Variants in SORCS2 observed in about 807,000 individuals in gnomAD.
SORCS2 encodes the protein VPS10 domain-containing receptor SorCS2.
SORCS2 carries 100 observed loss-of-function variants against 141.6 expected under a neutral mutation model. That is an observed-to-expected ratio of 0.71 (90% CI 0.60 to 0.83). The LOEUF is 0.83. Among genes scored for constraint, SORCS2 ranks in the 40% least tolerant of loss-of-function variants. SORCS2 has a pLI of 0.00. For synonymous variants in SORCS2, 789 were observed against 676.9 expected, an observed-to-expected ratio of 1.17 and a Z score of -2.57; for missense variants, 1,646 against 1,560.2, an observed-to-expected ratio of 1.05 and a Z score of -0.93.
At chr4:7,227,836 G>T (rs893823449) in intron 1 of SORCS2, among the ~76,000 whole-genome samples, 6 of 152,168 alleles carry the variant, frequency 3.9e-5, no homozygotes, top group African/African-American at 1.4e-4. Flanking sequence ...AAATCTTCCT[G>T]TTGGGGTTTT....
In SORCS2 at chr4:7,386,107, A is replaced by G. The variant is rs1474293956; in HGVS notation, c.481-10181A>G. ...CACATATGCACACATGCACACACAC[A>G]TGGACATACACATATGTACACACGC... is the stretch of plus-strand genomic sequence containing the variant. On this transcript the variant is annotated intron_variant, in intron 1 of 26. Transcript: ENST00000507866. Among the ~76,000 whole-genome samples the G allele has an allele frequency of 2.6e-5, 4 of 151,606 alleles. No individual in the cohort carries two copies. The East Asian group carries it at 7.7e-4, about 29-fold the overall frequency.
chr4:7,209,373 T>C (rs1187783825), intron 1 of SORCS2, among the ~76,000 whole-genome samples: 1 of 152,280 alleles, frequency 6.6e-6, no homozygotes, highest in East Asian at 1.9e-4. Flanking sequence ...GCCTGGCCCA[T>C]TCTGGGGTCT....
intron 10 of SORCS2, 26 bp from the exon 11 acceptor site, chr4:7,689,460 A>G (rs751715636): frequency 2.6e-6 from 4 of 1,565,876 alleles, no homozygotes; most frequent in Non-Finnish European, 2.6e-6. Context: ...ATGTGTTGAC[A>G]GTTGCGTCCT....
intron 1 of SORCS2, among the ~76,000 whole-genome samples, chr4:7,330,578 T>C (rs1294617060): frequency 6.6e-6 from 1 of 151,584 alleles, no homozygotes; most frequent in Admixed American, 6.6e-5. Flanking sequence ...TCCTTCTGCT[T>C]GGCATGGCAC....
At chr4:7,412,515 T>C (rs1663720072) in intron 2 of SORCS2, among the ~76,000 whole-genome samples, 1 of 152,160 alleles carries the variant, frequency 6.6e-6, no homozygotes, top group Admixed American at 6.5e-5. Context: ...TCGTCTCAGA[T>C]GCTTTTTTAA....
intron 3 of SORCS2, among the ~76,000 whole-genome samples, chr4:7,564,774 C>T (rs1339102834): frequency 6.6e-6 from 1 of 152,206 alleles, no homozygotes; most frequent in East Asian, 1.9e-4. Flanking sequence ...ATGCCACAGT[C>T]GCTGTTACAA....
chr4:7,658,013 CTGAG>C (rs1268526308), intron 5 of SORCS2, among the ~76,000 whole-genome samples: 2 of 149,188 alleles, frequency 1.3e-5, no homozygotes, highest in African/African-American at 2.5e-5. Flanking sequence ...GGCTGAGTGG[CTGAG>C]TGAGCGAGTC....
intron 9 of SORCS2, among the ~76,000 whole-genome samples, chr4:7,679,217 T>A (rs921404506): frequency 1.3e-5 from 2 of 152,034 alleles, no homozygotes; most frequent in African/African-American, 2.4e-5. Flanking sequence ...AACCCAGGTG[T>A]GAGGCAAGAC....
At position 7,605,298 on chromosome 4, in the gene SORCS2, T is replaced by C. The variant is rs138263371; in HGVS notation, c.649-33030T>C. Among the ~76,000 whole-genome samples the C allele has an allele frequency of 4.2e-3, 641 of 152,316 alleles. 4 individuals carry two copies. The highest frequency in any genetic ancestry group is 6.5e-3 in the Non-Finnish European group (445 of 68,022). ...AGGTGTTTCACACAGAACTCCTGCT[T>C]GCATTCTTTGGTCATATTGAGTGTA... On this transcript the variant is annotated intron_variant, in intron 3 of 26. Coordinates refer to ENST00000507866, the MANE Select transcript of SORCS2 (RefSeq NM_020777.3).
chr4:7,611,760 C>T (rs1718419693), intron 3 of SORCS2, among the ~76,000 whole-genome samples: 1 of 152,254 alleles, frequency 6.6e-6, no homozygotes, highest in Non-Finnish European at 1.5e-5. Flanking sequence ...AATTCAGTTT[C>T]AGTGCCCGTG....
chr4:7,464,086 G>C (rs1433971229), intron 2 of SORCS2, among the ~76,000 whole-genome samples: 1 of 152,198 alleles, frequency 6.6e-6, no homozygotes, highest in African/African-American at 2.4e-5. Context: ...CTGGCAGTGA[G>C]CTAAGAGCTG....
At chr4:7,280,634 T>C (rs1715812665) in intron 1 of SORCS2, among the ~76,000 whole-genome samples, 1 of 152,238 alleles carries the variant, frequency 6.6e-6, no homozygotes. Context: ...CCAAACTGTC[T>C]TCCAAAGTGG....
intron 9 of SORCS2, among the ~76,000 whole-genome samples, chr4:7,678,919 C>T (rs368942281): frequency 6.6e-6 from 1 of 152,188 alleles, no homozygotes; most frequent in African/African-American, 2.4e-5. Flanking sequence ...TGGCACCTTC[C>T]TCACAGGGTT....
chr4:7,408,176 C>A (rs977370313), intron 2 of SORCS2, among the ~76,000 whole-genome samples: 6 of 151,744 alleles, frequency 4.0e-5, no homozygotes, highest in Non-Finnish European at 7.4e-5. Flanking sequence ...GGATTCTAAA[C>A]CTTCAGGGTG....
chr4:7,235,698 T>C (rs867275270), intron 1 of SORCS2, among the ~76,000 whole-genome samples: 8 of 152,174 alleles, frequency 5.3e-5, no homozygotes, highest in Non-Finnish European at 1.0e-4. Context: ...CAGGCCTTGA[T>C]TGTCAGAGGG....
chr4:7,441,206 T>C (rs1056699991), intron 2 of SORCS2, among the ~76,000 whole-genome samples: 1 of 151,638 alleles, frequency 6.6e-6, no homozygotes, highest in Non-Finnish European at 1.5e-5. Context: ...CTAGAAGGAG[T>C]TGTTGGCTGC....
At chr4:7,680,770 A>G (rs1188428063) in intron 9 of SORCS2, among the ~76,000 whole-genome samples, 2 of 152,156 alleles carry the variant, frequency 1.3e-5, no homozygotes, top group African/African-American at 4.8e-5. Flanking sequence ...GTCCCAAGGA[A>G]AAGAGCCTGC....
intron 2 of SORCS2, among the ~76,000 whole-genome samples, chr4:7,416,791 T>C (rs1423194545): frequency 1.8e-5 from 2 of 112,270 alleles, no homozygotes; most frequent in Non-Finnish European, 3.7e-5. Context: ...CACACGCTTG[T>C]GCACACACAA....
At chr4:7,452,249 G>A (rs1469506106) in intron 2 of SORCS2, among the ~76,000 whole-genome samples, 4 of 151,834 alleles carry the variant, frequency 2.6e-5, no homozygotes, top group South Asian at 4.2e-4. Flanking sequence ...CAGGCAATTC[G>A]CCTGCCTCAG....
Sources: allele counts gnomAD v4.1 joint callset (sites outside exome capture counted in the v4.1 genomes callset), GRCh38; gene constraint gnomAD v4.1.1; transcripts MANE v1.5; gene names NCBI Gene and HGNC (gene_info 2026-07-23, HGNC 2026-07-21).